The following TXNL1 variants were observed in gnomAD, a reference collection of about 807,000 sequenced individuals.
TXNL1 encodes thioredoxin like 1, also known as thioredoxin-like protein 1.
A neutral mutation model predicts 35.5 loss-of-function variants in TXNL1; 14 were observed. The ratio of observed to expected loss-of-function variants is 0.39; its 90% CI spans 0.26 to 0.62. TXNL1 has a LOEUF of 0.62. TXNL1 is among the 20% of genes least tolerant of loss of function. The pLI is 0.47. For synonymous variants in TXNL1, 110 were observed against 115.5 expected, an observed-to-expected ratio of 0.95 and a Z score of 0.31; for missense variants, 263 against 349.7, an observed-to-expected ratio of 0.75 and a Z score of 1.98.
At chr18:56,637,046 T>C (rs1170968191) in intron 1 of TXNL1, among the ~76,000 whole-genome samples, 1 of 152,184 alleles carries the variant, frequency 6.6e-6, no homozygotes, top group Non-Finnish European at 1.5e-5. Context: ...ATTTAGTAAA[T>C]GCAAAATTCC....
In TXNL1 at chr18:56,610,975, TCA is replaced by T. The variant is rs1346579144; in HGVS notation, c.840+16_840+17del. ...ATTATATTTTTACTATCCCGAAGTA[TCA>T]TTTAAGCAAACTTACTCGTTTGAAG... On this transcript the variant is annotated intron_variant, in intron 7 of 7. Transcript: ENST00000217515. 6.8e-7 allele frequency: 1 copy of T among 1,471,176 alleles called. No homozygotes were observed. Among genetic ancestry groups the T allele is most frequent in the African/African-American group, 1.4e-5 (1 of 70,306 alleles). The allele number at this position is 1,471,176 out of a possible 1,614,324, so 91.1% of individuals were successfully genotyped here. A position where few individuals can be genotyped will look rare whatever the true frequency, so the allele number is the denominator to read the frequency against.
At chr18:56,607,048 G>A (rs1244207379) in intron 7 of TXNL1, among the ~76,000 whole-genome samples, 1 of 152,048 alleles carries the variant, frequency 6.6e-6, no homozygotes, top group Non-Finnish European at 1.5e-5. Flanking sequence ...GGAGTGTAGT[G>A]GCGTGATCCT....
intron 1 of TXNL1, among the ~76,000 whole-genome samples, chr18:56,634,725 G>C (rs1386681646): frequency 6.6e-6 from 1 of 152,074 alleles, no homozygotes; most frequent in East Asian, 1.9e-4. Flanking sequence ...TGAAAACATA[G>C]GGAGAAATCT....
intron 3 of TXNL1, among the ~76,000 whole-genome samples, chr18:56,622,708 G>A (rs550074690): frequency 6.6e-6 from 1 of 152,236 alleles, no homozygotes; most frequent in African/African-American, 2.4e-5. Context: ...CTGTAGCTAG[G>A]CAACAAGACT....
intron 4 of TXNL1, among the ~76,000 whole-genome samples, chr18:56,616,596 G>T (rs989844944): frequency 6.6e-6 from 1 of 152,080 alleles, no homozygotes; most frequent in Non-Finnish European, 1.5e-5. Context: ...GCTATAAACT[G>T]GCAAGCAACC....
In TXNL1 at chr18:56,618,005, T is replaced by A; in HGVS notation, c.491A>T (p.Gln164Leu). The change falls in exon 4 of 8, where the codon CAG becomes CTG. Residue 164 changes from glutamine to leucine, a missense_variant and splice_region_variant. Gln to Leu is a moderately radical substitution (Grantham distance 113). Coordinates refer to ENST00000217515, the MANE Select transcript of TXNL1 (RefSeq NM_004786.3). Reference sequence around the variant, plus strand: ...AGCTTATCTTCAGCCCTCAATTACCTGTTCATCACAGTCAGATTCCAAGAA... The same window carrying A: ...AGCTTATCTTCAGCCCTCAATTACCAGTTCATCACAGTCAGATTCCAAGAA... ...TTFLESDCDE[Q>L]LLITVAFNQP... The A allele has an allele frequency of 6.2e-7, 1 of 1,613,826 alleles. No individual in the cohort carries two copies. Among genetic ancestry groups the A allele is most frequent in the South Asian group, 1.1e-5 (1 of 91,054 alleles).
intron 7 of TXNL1, chr18:56,604,607 G>A: frequency 6.6e-6 from 1 of 152,240 alleles, no homozygotes; most frequent in East Asian, 1.9e-4. Context: ...AAAATTAGGT[G>A]TAAAAAATAT....
chr18:56,604,468 A>G (rs950930090), intron 7 of TXNL1: 9 of 152,220 alleles, frequency 5.9e-5, no homozygotes, highest in Non-Finnish European at 8.8e-5. Context: ...CAACTTGCCA[A>G]TGTGTATTTT....
intron 2 of TXNL1, among the ~76,000 whole-genome samples, chr18:56,625,402 T>C (rs980247024): frequency 2.0e-5 from 3 of 152,150 alleles, no homozygotes; most frequent in Non-Finnish European, 2.9e-5. Flanking sequence ...AAAAAGATAA[T>C]GCAATATTTT....
At position 56,618,118 on chromosome 18, in the gene TXNL1, T is replaced by C. The variant is rs747365051; in HGVS notation, c.378A>G (p.Leu126=). ...DTDIPKGYMD[L]MPFINKAGCE... ...AACCAGCTTTGTTAATAAAAGGCAT[T>C]AAATCCATCTGAAAAAAAATTGCAA... is the stretch of plus-strand genomic sequence containing the variant. Residue 126 remains leucine (L), a synonymous_variant, in exon 4 of 8, where the codon TTA becomes TTG. Transcript: ENST00000217515. 6.2e-7 allele frequency: 1 copy of C among 1,613,062 alleles called. No individual in the cohort carries two copies. The highest frequency in any genetic ancestry group is 1.1e-5 in the South Asian group (1 of 90,990).
rs2023791613 is a variant in TXNL1, at chr18:56,599,989, C to G, written c.*3038G>C. On this transcript the variant is annotated 3_prime_UTR_variant, in exon 8 of 8. Transcript: ENST00000217515. The stretch of plus-strand genomic sequence containing the variant: ...TGAACTATATGAGTATCAATACAAG[C>G]AACATGAGTAAGCCTTAAATTTCAT... 1 of 152,084 alleles carries G rather than the reference C, an allele frequency of 6.6e-6. No individual in the cohort carries two copies. The highest frequency in any genetic ancestry group is 6.5e-5 in the Admixed American group (1 of 15,272). 9.4% of individuals were successfully genotyped at this position (152,084 alleles called of 1,614,324 possible).
rs2023768001 is a variant in TXNL1, at chr18:56,598,267, G to C, written c.*4760C>G. The stretch of plus-strand genomic sequence containing the variant: ...GCTTAATACTAGAGACAAAATACTT[G>C]TATTACAGCTCACAATCTAGTAGTC... On this transcript the variant is annotated 3_prime_UTR_variant, in exon 8 of 8. Transcript: ENST00000217515. The C allele has an allele frequency of 6.6e-6, 1 of 152,060 alleles. No homozygotes were observed. Among genetic ancestry groups the C allele is most frequent in the Admixed American group, 6.6e-5 (1 of 15,264 alleles). 9.4% of individuals were successfully genotyped at this position (152,060 alleles called of 1,614,324 possible). A position where few individuals can be genotyped will look rare whatever the true frequency, so the allele number is the denominator to read the frequency against.
In TXNL1 at chr18:56,638,326, C is replaced by T; in HGVS notation, c.98+17G>A. The T allele has an allele frequency of 2.5e-6, 4 of 1,602,380 alleles. No homozygotes were observed. Among genetic ancestry groups the T allele is most frequent in the Non-Finnish European group, 3.4e-6 (4 of 1,172,422 alleles). ...GAAGGACAGACGGGGACCCACAGAG[C>T]TCGAGCCTGGCCTCACCCTCTCATG... On this transcript the variant is annotated intron_variant, in intron 1 of 7. Transcript: ENST00000217515.
At chr18:56,615,567 C>G (rs2024073306) in intron 5 of TXNL1, among the ~76,000 whole-genome samples, 1 of 151,718 alleles carries the variant, frequency 6.6e-6, no homozygotes, top group Non-Finnish European at 1.5e-5. Context: ...AAAAATGATA[C>G]TATTAATAGG....
At chr18:56,608,099 C>T (rs949646904) in intron 7 of TXNL1, among the ~76,000 whole-genome samples, 3 of 152,012 alleles carry the variant, frequency 2.0e-5, no homozygotes, top group Non-Finnish European at 4.4e-5. Context: ...CCCCCCGCCC[C>T]GACAGATAAG....
chr18:56,626,861 G>A (rs1302447807), intron 1 of TXNL1, among the ~76,000 whole-genome samples: 1 of 129,870 alleles, frequency 7.7e-6, no homozygotes, highest in African/African-American at 2.9e-5. Flanking sequence ...CCAGAGTACA[G>A]TGGCATGATC....
chr18:56,624,211 A>T, intron 3 of TXNL1, 77 bp downstream of exon 3: 1 of 1,420,146 alleles, frequency 7.0e-7, no homozygotes. Flanking sequence ...ATGGAAACAT[A>T]GTTATATTTC....
intron 1 of TXNL1, among the ~76,000 whole-genome samples, chr18:56,629,459 C>T (rs536793405): frequency 1.3e-5 from 2 of 152,284 alleles, no homozygotes; most frequent in East Asian, 1.9e-4. Flanking sequence ...ACCCGGGAAG[C>T]GGAGGTTGCG....
chr18:56,608,608 G>GT (rs1292582135), intron 7 of TXNL1: 1 of 152,104 alleles, frequency 6.6e-6, no homozygotes, highest in East Asian at 1.9e-4. Context: ...ATGCTAAATC[G>GT]TTTTTTGCCT....
Sources: gnomAD v4.1 joint callset for allele counts (sites outside exome capture counted in the v4.1 genomes callset) on GRCh38, gnomAD v4.1.1 for gene constraint, MANE v1.5 for transcripts, NCBI Gene and HGNC (gene_info 2026-07-23, HGNC 2026-07-21) for gene names.